The following SUCLG2 variants were observed in gnomAD, a reference collection of about 807,000 sequenced individuals.
SUCLG2 encodes the protein succinate-CoA ligase GDP-forming subunit beta.
In SUCLG2, 42 loss-of-function variants were observed where a neutral mutation model predicts 47.9. That is an observed-to-expected ratio of 0.88 (90% confidence interval 0.69 to 1.14). The LOEUF (loss-of-function observed/expected upper bound fraction) is 1.14. Ranked by LOEUF, SUCLG2 falls within the 50% of genes most tolerant of loss-of-function variation. The pLI, the probability that SUCLG2 is intolerant of heterozygous loss-of-function variation, is 0.00. For synonymous variants in SUCLG2, 195 were observed against 197.3 expected (o/e 0.99, Z 0.10); for missense variants, 571 against 525.9 (o/e 1.09, Z -0.84).
intron 2 of SUCLG2, among the ~76,000 whole-genome samples, chr3:67,561,929 C>T (rs1452128471): frequency 6.6e-6 from 1 of 152,140 alleles, no homozygotes; most frequent in East Asian, 1.9e-4. Context: ...GTTTTAAAAG[C>T]TCAATACATC....
At chr3:67,406,119 C>G (rs76251747) in intron 9 of SUCLG2, among the ~76,000 whole-genome samples, 2,978 of 152,166 alleles carry the variant, frequency 0.02, 88 homozygotes, top group African/African-American at 0.067. Context: ...ATGAGAAAAC[C>G]AAGACTCAGA....
At chr3:67,533,800 T>TA (rs1706464544) in intron 2 of SUCLG2, among the ~76,000 whole-genome samples, 1 of 152,194 alleles carries the variant, frequency 6.6e-6, no homozygotes, top group South Asian at 2.1e-4. Context: ...CCTCAAGTTG[T>TA]AACTGGGTCA....
At chr3:67,409,174 G>T in intron 9 of SUCLG2, 2 of 928,040 alleles carry the variant, frequency 2.2e-6, no homozygotes, top group Non-Finnish European at 3.2e-6. Flanking sequence ...TTCCTAGTTA[G>T]ATGGGGCTGG....
chr3:67,365,895 T>G (rs186236928), intron 10 of SUCLG2, among the ~76,000 whole-genome samples: 29 of 152,324 alleles, frequency 1.9e-4, no homozygotes, highest in African/African-American at 7.0e-4. Context: ...TAAAGGAGTT[T>G]CATTGTTTGA....
chr3:67,457,831 T>C (rs1179973643), intron 9 of SUCLG2, among the ~76,000 whole-genome samples: 1 of 152,022 alleles, frequency 6.6e-6, no homozygotes, highest in Non-Finnish European at 1.5e-5. Flanking sequence ...GGATAGTCCA[T>C]TACAATGGTG....
At chr3:67,594,930 T>G (rs987855995) in intron 2 of SUCLG2, among the ~76,000 whole-genome samples, 2 of 152,200 alleles carry the variant, frequency 1.3e-5, no homozygotes, top group Non-Finnish European at 2.9e-5. Context: ...TTTTTAGTTG[T>G]ATCAGTCTTT....
chr3:67,447,764 C>T (rs1396640474), intron 9 of SUCLG2, among the ~76,000 whole-genome samples: 1 of 152,198 alleles, frequency 6.6e-6, no homozygotes, highest in Non-Finnish European at 1.5e-5. Flanking sequence ...GAGTCTTGCT[C>T]TGTAGCCCAG....
chr3:67,603,235 G>A (rs1236258106), intron 2 of SUCLG2, among the ~76,000 whole-genome samples: 1 of 152,182 alleles, frequency 6.6e-6, no homozygotes, highest in Non-Finnish European at 1.5e-5. Context: ...TCAATAAAAA[G>A]GATATTAAGA....
chr3:67,362,265 A>G (rs1342129506), intron 10 of SUCLG2, among the ~76,000 whole-genome samples: 1 of 152,050 alleles, frequency 6.6e-6, no homozygotes, highest in Non-Finnish European at 1.5e-5. Context: ...ATCCTTGCAC[A>G]TGCTGTTCTC....
chr3:67,647,500 C>T (rs1467882080), intron 1 of SUCLG2, among the ~76,000 whole-genome samples: 9 of 152,216 alleles, frequency 5.9e-5, no homozygotes, highest in Non-Finnish European at 8.8e-5. Context: ...ATTCTTGAAA[C>T]GCTGAGGGCA....
intron 1 of SUCLG2, among the ~76,000 whole-genome samples, chr3:67,641,295 C>T (rs1441342440): frequency 6.6e-6 from 1 of 152,116 alleles, no homozygotes; most frequent in African/African-American, 2.4e-5. Flanking sequence ...AGTTGGAAAA[C>T]AAGTGCTGGA....
intron 9 of SUCLG2, among the ~76,000 whole-genome samples, chr3:67,418,628 A>G (rs938274367): frequency 2.0e-5 from 3 of 152,220 alleles, no homozygotes; most frequent in African/African-American, 7.2e-5. Context: ...GCTAACCACA[A>G]GATTCCTCCC....
chr3:67,568,654 G>A (rs1390275190), intron 2 of SUCLG2, among the ~76,000 whole-genome samples: 4 of 152,114 alleles, frequency 2.6e-5, no homozygotes, highest in African/African-American at 4.8e-5. Flanking sequence ...TTGGGAGGCC[G>A]AGGCGGGCGG....
chr3:67,448,543 C>G (rs1356294483), intron 9 of SUCLG2, among the ~76,000 whole-genome samples: 1 of 151,914 alleles, frequency 6.6e-6, no homozygotes, highest in African/African-American at 2.4e-5. Context: ...TGCCACCATA[C>G]CCAGCTAATT....
At chr3:67,632,910 G>A (rs1700950692) in intron 1 of SUCLG2, among the ~76,000 whole-genome samples, 1 of 152,148 alleles carries the variant, frequency 6.6e-6, no homozygotes, top group South Asian at 2.1e-4. Flanking sequence ...CTCAACAAAT[G>A]CTTTCATTAT....
intron 2 of SUCLG2, among the ~76,000 whole-genome samples, chr3:67,607,528 T>A (rs1227589007): frequency 6.6e-6 from 1 of 152,140 alleles, no homozygotes; most frequent in Non-Finnish European, 1.5e-5. Context: ...GACCGACACC[T>A]ACAAAGTCTG....
intron 9 of SUCLG2, among the ~76,000 whole-genome samples, chr3:67,494,303 T>C (rs1472913958): frequency 6.6e-6 from 1 of 152,212 alleles, no homozygotes; most frequent in African/African-American, 2.4e-5. Flanking sequence ...CAACTCAATA[T>C]ATTAGATACT....
At chr3:67,581,675 T>A (rs1575794168) in intron 2 of SUCLG2, among the ~76,000 whole-genome samples, 1 of 152,188 alleles carries the variant, frequency 6.6e-6, no homozygotes, top group Admixed American at 6.5e-5. Flanking sequence ...GCATGATGTA[T>A]AAAGTGCAGT....
At chr3:67,557,139 G>A (rs184999987) in intron 2 of SUCLG2, among the ~76,000 whole-genome samples, 12 of 152,236 alleles carry the variant, frequency 7.9e-5, no homozygotes, top group Middle Eastern at 3.4e-3. Context: ...AATGTTTGCA[G>A]ACTTCTCCCT....
Sources: gnomAD v4.1 joint callset for allele counts (sites outside exome capture counted in the v4.1 genomes callset) on GRCh38, gnomAD v4.1.1 for gene constraint, MANE v1.5 for transcripts, NCBI Gene and HGNC (gene_info 2026-07-23, HGNC 2026-07-21) for gene names.